The following CCDC178 variants were observed in gnomAD, a reference collection of about 807,000 sequenced individuals.
The protein encoded by CCDC178 is coiled-coil domain containing 178.
In CCDC178, 126 loss-of-function variants were observed where a neutral mutation model predicts 117.4. That is an observed-to-expected ratio of 1.07 (90% CI 0.93 to 1.24). The LOEUF is 1.24. Among genes scored for constraint, CCDC178 ranks in the 50% most tolerant of loss-of-function variants. The pLI is 0.00. For synonymous variants in CCDC178, 283 were observed against 313.4 expected (o/e 0.90, Z 1.02); for missense variants, 1,030 against 986.9 (o/e 1.04, Z -0.59).
intron 20 of CCDC178, among the ~76,000 whole-genome samples, chr18:33,134,428 C>T (rs1299257510): frequency 6.6e-6 from 1 of 151,952 alleles, no homozygotes; most frequent in Non-Finnish European, 1.5e-5. Flanking sequence ...CCCAAATTAT[C>T]TCAAATGTTT....
chr18:33,126,832 A>AT (rs1398843945), intron 20 of CCDC178, among the ~76,000 whole-genome samples: 2 of 151,486 alleles, frequency 1.3e-5, no homozygotes, highest in Non-Finnish European at 2.9e-5. Flanking sequence ...AATTTTTTGT[A>AT]TTTTTAGTAG....
chr18:33,108,603 T>C (rs2057738453), intron 20 of CCDC178, among the ~76,000 whole-genome samples: 1 of 151,610 alleles, frequency 6.6e-6, no homozygotes, highest in Non-Finnish European at 1.5e-5. Context: ...ACTTGATGAT[T>C]TGTTGATTAT....
In CCDC178 at chr18:33,267,398, T is replaced by C. The variant is rs72951070; in HGVS notation, c.1177-101A>G. The C allele has an allele frequency of 0.027, 17,874 of 663,594 alleles. 310 individuals are homozygous for C. Among genetic ancestry groups the C allele is most frequent in the Non-Finnish European group, 0.035 (14,451 of 413,060 alleles). The allele number at this position is 663,594 out of a possible 1,614,324, so 41.1% of individuals were successfully genotyped here. On this transcript the variant is annotated intron_variant, in intron 12 of 22. Coordinates refer to ENST00000383096, the MANE Select transcript of CCDC178 (RefSeq NM_001105528.4). ...CATGATAAAGTAGAATTTGTTTCAG[T>C]TACATAAAAATTGAAAAACAATAGA...
At chr18:32,947,474 A>G (rs1323044906) in intron 22 of CCDC178, among the ~76,000 whole-genome samples, 1 of 152,196 alleles carries the variant, frequency 6.6e-6, no homozygotes, top group Admixed American at 6.5e-5. Context: ...GCAGCTTTGC[A>G]TCTACTTATT....
At chr18:33,005,373 T>C (rs1039457729) in intron 21 of CCDC178, among the ~76,000 whole-genome samples, 1 of 152,012 alleles carries the variant, frequency 6.6e-6, no homozygotes, top group African/African-American at 2.4e-5. Flanking sequence ...ATACAAACTT[T>C]GCATGTTCTC....
At position 33,267,291 on chromosome 18, in the gene CCDC178, C is replaced by A. The variant is rs774925901; in HGVS notation, c.1183G>T (p.Asp395Tyr). The A allele has an allele frequency of 3.2e-6, 5 of 1,585,388 alleles. No individual in the cohort carries two copies. The highest frequency in any genetic ancestry group is 1.2e-5 in the South Asian group (1 of 86,724). The change falls in exon 13 of 23, where the codon GAT (aspartate) becomes TAT (tyrosine). Residue 395 changes from aspartate to tyrosine, a missense_variant. Coordinates refer to ENST00000383096, the MANE Select transcript of CCDC178 (RefSeq NM_001105528.4). ...ELHSLSKMLE[D>Y]LRRVYDQLTW... The stretch of plus-strand genomic sequence containing the variant: ...AGTTGGTCATAAACTCTTCTCAAAT[C>A]TTCCAGCTAAGAAAGAAGATATACA...
intron 5 of CCDC178, among the ~76,000 whole-genome samples, chr18:33,382,751 T>C (rs2063451949): frequency 1.3e-5 from 2 of 152,098 alleles, no homozygotes; most frequent in South Asian, 2.1e-4. Flanking sequence ...TGGGTGACTG[T>C]TTGGGCAGGC....
At chr18:33,167,496 C>A (rs1419629373) in intron 20 of CCDC178, among the ~76,000 whole-genome samples, 4 of 152,118 alleles carry the variant, frequency 2.6e-5, no homozygotes, top group African/African-American at 9.7e-5. Context: ...TTTTGATTTA[C>A]ATTTCTCTAA....
At chr18:33,042,114 G>A (rs74402991) in intron 21 of CCDC178, among the ~76,000 whole-genome samples, 3,439 of 151,962 alleles carry the variant, frequency 0.023, 62 homozygotes, top group East Asian at 0.041. Flanking sequence ...AAGGATGACA[G>A]GGAACAAGAC....
intron 19 of CCDC178, among the ~76,000 whole-genome samples, chr18:33,214,129 G>A (rs1298859069): frequency 6.6e-6 from 1 of 152,030 alleles, no homozygotes; most frequent in African/African-American, 2.4e-5. Context: ...CACTACTTAA[G>A]AGTGTGATCT....
At chr18:33,391,258 T>G (rs1178980483) in intron 4 of CCDC178, among the ~76,000 whole-genome samples, 2 of 151,112 alleles carry the variant, frequency 1.3e-5, no homozygotes, top group Non-Finnish European at 3.0e-5. Flanking sequence ...ACAATTGAAG[T>G]TACAGATAAT....
chr18:33,149,890 T>C (rs2058320505), intron 20 of CCDC178, among the ~76,000 whole-genome samples: 1 of 151,644 alleles, frequency 6.6e-6, no homozygotes, highest in Non-Finnish European at 1.5e-5. Flanking sequence ...AAAAAAACAA[T>C]CCTAAAATTC....
chr18:33,305,052 T>C (rs1355745540), intron 11 of CCDC178, among the ~76,000 whole-genome samples: 2 of 152,218 alleles, frequency 1.3e-5, no homozygotes, highest in Non-Finnish European at 2.9e-5. Flanking sequence ...TTTGGTTTTA[T>C]GTATTAGCTT....
chr18:33,176,829 TAGG>T (rs975829288), intron 20 of CCDC178, among the ~76,000 whole-genome samples: 24 of 152,146 alleles, frequency 1.6e-4, no homozygotes, highest in African/African-American at 5.3e-4. Context: ...GCTGTTGACA[TAGG>T]AGAAAATGAC....
chr18:33,116,594 G>A (rs2057859679), intron 20 of CCDC178, among the ~76,000 whole-genome samples: 1 of 152,158 alleles, frequency 6.6e-6, no homozygotes, highest in Non-Finnish European at 1.5e-5. Flanking sequence ...TTTCAAGTCC[G>A]TCAGATTGCT....
At chr18:33,379,643 TC>T in intron 5 of CCDC178, among the ~76,000 whole-genome samples, 1 of 152,214 alleles carries the variant, frequency 6.6e-6, no homozygotes, top group East Asian at 1.9e-4. Flanking sequence ...ACATCCTCAT[TC>T]CTAAGTTCTC....
intron 14 of CCDC178, among the ~76,000 whole-genome samples, chr18:33,249,749 G>A (rs1488324650): frequency 6.6e-6 from 1 of 151,974 alleles, no homozygotes; most frequent in Non-Finnish European, 1.5e-5. Context: ...TTGGCAATGT[G>A]GGCTCTTTTT....
chr18:33,340,631 C>T (rs972976206), intron 9 of CCDC178, among the ~76,000 whole-genome samples: 3 of 152,108 alleles, frequency 2.0e-5, no homozygotes, highest in Admixed American at 6.5e-5. Context: ...GGAGTTGGTG[C>T]CCTATGTCAC....
At chr18:33,263,196 T>A (rs969714873) in intron 14 of CCDC178, among the ~76,000 whole-genome samples, 1 of 152,236 alleles carries the variant, frequency 6.6e-6, no homozygotes, top group Non-Finnish European at 1.5e-5. Context: ...GCTCATGTAC[T>A]GCATAGCCTC....
Sources: gnomAD v4.1 joint callset for allele counts (sites outside exome capture counted in the v4.1 genomes callset) on GRCh38, gnomAD v4.1.1 for gene constraint, MANE v1.5 for transcripts, NCBI Gene and HGNC (gene_info 2026-07-23, HGNC 2026-07-21) for gene names.